Variants in STXBP4 observed in about 807,000 individuals in gnomAD.
STXBP4 encodes the protein syntaxin binding protein 4.
Under a neutral mutation model 76.1 loss-of-function variants are expected in STXBP4, and 55 were observed. The observed-to-expected ratio is 0.72, with a 90% CI of 0.58 to 0.91. STXBP4 has a LOEUF of 0.91. STXBP4 is among the 40% of genes least tolerant of loss of function. STXBP4 has a pLI of 0.00. For synonymous variants in STXBP4, 201 were observed against 220.2 expected, an observed-to-expected ratio of 0.91 and a Z score of 0.77; for missense variants, 618 against 636.9, an observed-to-expected ratio of 0.97 and a Z score of 0.32.
chr17:55,057,698 C>G (rs1225739832), intron 12 of STXBP4, among the ~76,000 whole-genome samples: 2 of 152,100 alleles, frequency 1.3e-5, no homozygotes, highest in Non-Finnish European at 2.9e-5. Context: ...TATGCTCTCC[C>G]TCCCCTTGCT....
At chr17:55,195,439 T>TTTTTTA in the STXBP4 span, among the ~76,000 whole-genome samples, 1 of 152,206 alleles carries the variant, frequency 6.6e-6, no homozygotes, top group Non-Finnish European at 1.5e-5. Context: ...CTGTGCCTTT[T>TTTTTTA]AATTTTTTAA....
intron 8 of STXBP4, among the ~76,000 whole-genome samples, chr17:55,008,209 C>A (rs12449786): frequency 0.5 from 74,725 of 150,836 alleles, 18,550 homozygotes; most frequent in South Asian, 0.64. Context: ...AAAATAAGCC[C>A]CTTTTTTTTT....
intron 14 of STXBP4, 82 bp from the exon 15 acceptor site, chr17:55,078,604 G>A (rs1261480873): frequency 2.3e-6 from 2 of 876,650 alleles, no homozygotes; most frequent in Non-Finnish European, 3.7e-6. Flanking sequence ...GACAGAGGAG[G>A]TTATAAATAT....
rs118129337 is a variant in STXBP4 at position 55,069,420 on chromosome 17, C to T, written c.1012-3480C>T. Among the ~76,000 whole-genome samples, 481 of 152,132 alleles carry T rather than the reference C, an allele frequency of 3.2e-3. 12 individuals carry two copies. The highest frequency in any genetic ancestry group is 0.025 in the East Asian group (130 of 5,182). ...TGGTGAGGCACTGGGAAAATTCTGG[C>T]TCAGTTGTTACTGACATAGGAGGCT... On this transcript the variant is annotated intron_variant, in intron 12 of 17. Transcript: ENST00000376352.
At chr17:54,972,035 A>C (rs1049542723) in intron 1 of STXBP4, among the ~76,000 whole-genome samples, 4 of 152,222 alleles carry the variant, frequency 2.6e-5, no homozygotes, top group African/African-American at 9.6e-5. Flanking sequence ...CTTGACAGGA[A>C]TATCTTAGAG....
intron 13 of STXBP4, among the ~76,000 whole-genome samples, chr17:55,075,213 A>G (rs1206170984): frequency 6.6e-6 from 1 of 151,992 alleles, no homozygotes; most frequent in African/African-American, 2.4e-5. Context: ...AAACTTTACT[A>G]CTTGTGTATA....
the STXBP4 span, among the ~76,000 whole-genome samples, chr17:55,199,623 G>A: frequency 7.9e-5 from 12 of 152,176 alleles, no homozygotes; most frequent in Admixed American, 3.9e-4. Flanking sequence ...ATTTCCCTGA[G>A]TGGTAATAAT....
chr17:54,997,540 AATAT>A (rs931713608), intron 4 of STXBP4, among the ~76,000 whole-genome samples: 2 of 146,234 alleles, frequency 1.4e-5, no homozygotes, highest in African/African-American at 2.5e-5. Flanking sequence ...ATATAACATA[AATAT>A]ATATAATATA....
intron 16 of STXBP4, among the ~76,000 whole-genome samples, chr17:55,086,620 C>T (rs570900748): frequency 3.4e-4 from 52 of 152,070 alleles, no homozygotes; most frequent in African/African-American, 1.3e-3. Flanking sequence ...CTTTTTTATT[C>T]GTATATGGAG....
At chr17:55,184,072 T>C in the STXBP4 span, among the ~76,000 whole-genome samples, 1 of 152,162 alleles carries the variant, frequency 6.6e-6, no homozygotes, top group African/African-American at 2.4e-5. Flanking sequence ...AACTTGACCA[T>C]ATTCTGGGTC....
intron 16 of STXBP4, among the ~76,000 whole-genome samples, chr17:55,086,069 C>G (rs1184038601): frequency 6.6e-6 from 1 of 152,090 alleles, no homozygotes; most frequent in African/African-American, 2.4e-5. Context: ...TTTTCATTAT[C>G]TTGCTAACAT....
Position 55,031,256 on chromosome 17 carries a change from C to T in STXBP4, c.755C>T (p.Ser252Phe). 1 of 1,610,920 alleles carries T rather than the reference C, an allele frequency of 6.2e-7. No homozygotes were observed. The highest frequency in any genetic ancestry group is 8.5e-7 in the Non-Finnish European group (1 of 1,177,384). The change falls in exon 9 of 18, where the codon TCT (serine) becomes TTT (phenylalanine). Residue 252 changes from serine to phenylalanine, a missense_variant. Transcript: ENST00000376352. ...QVQADSKGTV[S>F]FGDFVQVARN... Reference sequence around the variant, plus strand: ...CAAGCAGACTCAAAAGGGACAGTGTCTTTTGGAGGTAATATTAGGTTTATT... The same window carrying T: ...CAAGCAGACTCAAAAGGGACAGTGTTTTTTGGAGGTAATATTAGGTTTATT...
intron 16 of STXBP4, among the ~76,000 whole-genome samples, chr17:55,092,522 A>G (rs11655949): frequency 0.37 from 56,071 of 151,968 alleles, 11,221 homozygotes; most frequent in East Asian, 0.54. Flanking sequence ...TTACAGGTTG[A>G]TTCAATAACT....
At chr17:55,103,917 A>AG (rs931261660) in intron 16 of STXBP4, among the ~76,000 whole-genome samples, 1 of 152,034 alleles carries the variant, frequency 6.6e-6, no homozygotes, top group African/African-American at 2.4e-5. Context: ...CTTACGTTGC[A>AG]GCTCTCTGTT....
intron 16 of STXBP4, among the ~76,000 whole-genome samples, chr17:55,127,670 C>A (rs571558162): frequency 7.2e-5 from 11 of 152,176 alleles, no homozygotes; most frequent in Admixed American, 6.5e-4. Context: ...AAAAATAACC[C>A]TCTATGAAGG....
chr17:55,066,360 G>A (rs950291952), intron 12 of STXBP4, among the ~76,000 whole-genome samples: 17 of 151,804 alleles, frequency 1.1e-4, no homozygotes, highest in African/African-American at 4.1e-4. Flanking sequence ...AGTAGCCGGG[G>A]TTACAGGGTC....
At chr17:55,035,923 A>T (rs926078383) in intron 10 of STXBP4, among the ~76,000 whole-genome samples, 2 of 152,022 alleles carry the variant, frequency 1.3e-5, no homozygotes, top group Non-Finnish European at 2.9e-5. Flanking sequence ...ATTGTGTACA[A>T]TATGACTTAG....
At chr17:55,144,015 A>ATG (rs1567780825) in intron 17 of STXBP4, among the ~76,000 whole-genome samples, 4 of 129,428 alleles carry the variant, frequency 3.1e-5, no homozygotes, top group Non-Finnish European at 6.5e-5. Context: ...GCACACACAC[A>ATG]CACACACACA....
intron 17 of STXBP4, among the ~76,000 whole-genome samples, chr17:55,146,963 A>G (rs994158272): frequency 6.6e-6 from 1 of 152,238 alleles, no homozygotes; most frequent in African/African-American, 2.4e-5. Context: ...CACTTCTGCT[A>G]TGTGACCAAC....
Sources: allele counts gnomAD v4.1 joint callset (sites outside exome capture counted in the v4.1 genomes callset), GRCh38; gene constraint gnomAD v4.1.1; transcripts MANE v1.5; gene names NCBI Gene and HGNC (gene_info 2026-07-23, HGNC 2026-07-21).